The following PRMT3 variants were observed in gnomAD, a reference collection of about 807,000 sequenced individuals.
PRMT3 encodes protein arginine N-methyltransferase 3.
Under a neutral mutation model 71.9 loss-of-function variants are expected in PRMT3, and 62 were observed. The observed-to-expected ratio is 0.86, with a 90% confidence interval of 0.70 to 1.07. PRMT3 has a LOEUF of 1.07. Ranked by LOEUF, PRMT3 falls within the 50% of genes least tolerant of loss-of-function variation. The pLI, the probability that PRMT3 is intolerant of heterozygous loss-of-function variation, is 0.00. For missense variants in PRMT3, 663 were observed against 643.0 expected (o/e 1.03, Z -0.34); for synonymous variants, 213 against 220.4 (o/e 0.97, Z 0.30).
intron 9 of PRMT3, among the ~76,000 whole-genome samples, chr11:20,422,567 A>G (rs1282926992): frequency 2.0e-5 from 3 of 152,174 alleles, no homozygotes; most frequent in African/African-American, 4.8e-5. Flanking sequence ...ACTATTCCCT[A>G]TCAGTCCACT....
chr11:20,437,628 T>G (rs1208311626), intron 10 of PRMT3, among the ~76,000 whole-genome samples: 2 of 152,082 alleles, frequency 1.3e-5, no homozygotes, highest in Admixed American at 1.3e-4. Context: ...CTCGCTCTGT[T>G]GCCCAGGCTG....
At chr11:20,452,785 T>A (rs1347196394) in intron 11 of PRMT3, among the ~76,000 whole-genome samples, 1 of 152,154 alleles carries the variant, frequency 6.6e-6, no homozygotes, top group Non-Finnish European at 1.5e-5. Flanking sequence ...ATACTCAGAG[T>A]GAGATTCTGT....
chr11:20,392,349 G>T, intron 4 of PRMT3, 89 bp downstream of exon 4: 1 of 1,338,918 alleles, frequency 7.5e-7, no homozygotes, highest in African/African-American at 1.5e-5. Context: ...AAAAGAATAT[G>T]AGGAACTGCA....
At chr11:20,459,362 C>T (rs1429777789) in intron 11 of PRMT3, among the ~76,000 whole-genome samples, 3 of 152,176 alleles carry the variant, frequency 2.0e-5, no homozygotes, top group African/African-American at 4.8e-5. Flanking sequence ...ACGGCACTCC[C>T]TGAAGTAGGA....
At chr11:20,440,489 C>CAAAAAAA (rs55801324) in intron 10 of PRMT3, among the ~76,000 whole-genome samples, 20 of 115,922 alleles carry the variant, frequency 1.7e-4, no homozygotes, top group East Asian at 5.1e-4. Context: ...ACTAAAAATA[C>CAAAAAAA]AAAAAAAAAA....
rs562677908 is a variant in PRMT3, at chr11:20,409,409, A to G, written c.893+1377A>G. On this transcript the variant is annotated intron_variant, in intron 9 of 15. Coordinates refer to ENST00000331079, the MANE Select transcript of PRMT3 (RefSeq NM_005788.4). The stretch of plus-strand genomic sequence containing the variant: ...GATGCGTAAGTTATAAATAATACGT[A>G]TATATAAATCAGTTTGGCCTGTTGC... Among the ~76,000 whole-genome samples, 7 of 152,330 alleles carry G rather than the reference A, an allele frequency of 4.6e-5. No individual in the cohort carries two copies. The East Asian group carries it at 1.3e-3, about 29-fold the overall frequency.
intron 9 of PRMT3, among the ~76,000 whole-genome samples, chr11:20,416,477 A>C (rs540012836): frequency 2.6e-5 from 4 of 152,070 alleles, no homozygotes; most frequent in Non-Finnish European, 4.4e-5. Context: ...ATGTGTCCCA[A>C]CTACCAGGAA....
intron 8 of PRMT3, 74 bp downstream of exon 8, chr11:20,403,058 A>G: frequency 9.2e-7 from 1 of 1,084,898 alleles, no homozygotes; most frequent in Non-Finnish European, 1.4e-6. Context: ...TTGGCTCATC[A>G]TTGTGATAGC....
rs34940140 is a variant in PRMT3, at chr11:20,500,923, C to CCTTA, written c.1486+6671_1486+6672insTACT. On this transcript the variant is annotated intron_variant, in intron 15 of 15. Transcript: ENST00000331079. ...ATATCTTCAGGATAAAATACAAACTCCTATGTCCCTTTGCAGTCTGACTCT... is the reference window on the plus strand; with the variant it reads ...ATATCTTCAGGATAAAATACAAACTCCTTACTATGTCCCTTTGCAGTCTGACTCT... 7.1e-3 allele frequency among the ~76,000 whole-genome samples: 1,080 copies of CCTTA among 152,250 alleles called. 16 individuals are homozygous for CCTTA. The highest frequency in any genetic ancestry group is 0.025 in the African/African-American group (1,025 of 41,548).
At chr11:20,504,743 AG>A (rs1565243536) in intron 15 of PRMT3, among the ~76,000 whole-genome samples, 26 of 145,706 alleles carry the variant, frequency 1.8e-4, no homozygotes, top group African/African-American at 6.6e-4. Context: ...AGAGAGAGAG[AG>A]AGCGAGAGCG....
intron 7 of PRMT3, among the ~76,000 whole-genome samples, chr11:20,399,779 G>T (rs1198795288): frequency 6.6e-6 from 1 of 152,168 alleles, no homozygotes; most frequent in Non-Finnish European, 1.5e-5. Flanking sequence ...TTGTATGTCA[G>T]TAACCATAAG....
At chr11:20,392,622 G>GTT (rs77898172) in intron 4 of PRMT3, among the ~76,000 whole-genome samples, 17 of 127,300 alleles carry the variant, frequency 1.3e-4, no homozygotes, top group African/African-American at 2.3e-4. Context: ...CAGATACTTT[G>GTT]TTTTTTTTTT....
intron 13 of PRMT3, among the ~76,000 whole-genome samples, chr11:20,476,183 CTACTAAAAATACAAAAAA>C (rs1197810051): frequency 2.6e-5 from 4 of 151,620 alleles, no homozygotes; most frequent in Non-Finnish European, 5.9e-5. Context: ...AACCTCATCT[CTACTAAAAATACAAAAAA>C]TATTAGCCAG....
intron 10 of PRMT3, among the ~76,000 whole-genome samples, chr11:20,444,036 G>C (rs776773401): frequency 2.0e-5 from 3 of 152,116 alleles, no homozygotes; most frequent in Non-Finnish European, 4.4e-5. Context: ...TTCTTCTTGC[G>C]TGGAAGTTGG....
chr11:20,469,830 T>C (rs1384694880), intron 13 of PRMT3, among the ~76,000 whole-genome samples: 2 of 152,208 alleles, frequency 1.3e-5, no homozygotes, highest in South Asian at 2.1e-4. Context: ...TCTACTTTTC[T>C]ATTAGCATGT....
intron 10 of PRMT3, among the ~76,000 whole-genome samples, chr11:20,436,124 G>C (rs1160751552): frequency 6.6e-6 from 1 of 152,128 alleles, no homozygotes; most frequent in South Asian, 2.1e-4. Flanking sequence ...TACTTCCCCT[G>C]GGTATAGAAA....
intron 10 of PRMT3, among the ~76,000 whole-genome samples, chr11:20,440,744 C>A (rs930443101): frequency 6.6e-6 from 1 of 151,994 alleles, no homozygotes; most frequent in African/African-American, 2.4e-5. Flanking sequence ...ATTGAAGCAT[C>A]CACTGAGTAC....
At chr11:20,392,506 A>G (rs779699090) in intron 4 of PRMT3, among the ~76,000 whole-genome samples, 14 of 152,228 alleles carry the variant, frequency 9.2e-5, no homozygotes, top group South Asian at 2.1e-4. Context: ...AAAGTAATTC[A>G]GTGTCAAATA....
At chr11:20,428,139 A>G (rs989477585) in intron 10 of PRMT3, among the ~76,000 whole-genome samples, 2 of 152,096 alleles carry the variant, frequency 1.3e-5, no homozygotes, top group African/African-American at 4.8e-5. Flanking sequence ...TCACAATATC[A>G]GTATTCTCAC....
Sources: allele counts gnomAD v4.1 joint callset (sites outside exome capture counted in the v4.1 genomes callset), GRCh38; gene constraint gnomAD v4.1.1; transcripts MANE v1.5; gene names NCBI Gene and HGNC (gene_info 2026-07-23, HGNC 2026-07-21).